Variants in PRDM15 observed in about 807,000 individuals in gnomAD.
PRDM15 encodes the protein PR domain zinc finger protein 15.
In PRDM15, 64 loss-of-function variants were observed where a neutral mutation model predicts 128.6. That is an observed-to-expected ratio of 0.50 (90% CI 0.41 to 0.61). PRDM15 has a LOEUF of 0.61. Ranked by LOEUF, PRDM15 falls within the 20% of genes least tolerant of loss-of-function variation. The pLI, the probability that PRDM15 is intolerant of heterozygous loss-of-function variation, is 0.00. For missense variants in PRDM15, 1,242 were observed against 1,569.1 expected, an observed-to-expected ratio of 0.79 and a Z score of 3.52; for synonymous variants, 615 against 621.8, an observed-to-expected ratio of 0.99 and a Z score of 0.16.
intron 14 of PRDM15, 26 bp downstream of exon 14, chr21:41,823,292 G>T: frequency 6.2e-7 from 1 of 1,604,568 alleles, no homozygotes; most frequent in South Asian, 1.1e-5. Context: ...GAGCATGCCT[G>T]GGTGAGGGCA....
rs916245894 is a variant in PRDM15, at chr21:41,828,879, C to T, written c.1367-546G>A. Among the ~76,000 whole-genome samples, 2 of 151,996 alleles carry T rather than the reference C, an allele frequency of 1.3e-5. No homozygotes were observed. The highest frequency in any genetic ancestry group is 2.9e-5 in the Non-Finnish European group (2 of 67,990). ...TTCCCCCCTTCACCCAAATCCTCCT[C>T]AGCACACACACAATCACACACCACA... is the stretch of plus-strand genomic sequence containing the variant. On this transcript the variant is annotated intron_variant, in intron 11 of 23. Coordinates refer to ENST00000398548, the MANE Select transcript of PRDM15 (RefSeq NM_001040424.3). The surrounding 1 kb of genome is among the most constrained non-coding windows in gnomAD (Gnocchi z 5.7).
Position 41,801,150 on chromosome 21 carries a change from C to CT in PRDM15, c.*89dup, listed in dbSNP as rs1267273778. ...GTCAACCTTACATTGCAATGTATGA[C>CT]TTTTTGTTTGTTTGGTATCCAGCAA... On this transcript the variant is annotated 3_prime_UTR_variant, in exon 24 of 24. Transcript: ENST00000398548. The CT allele has an allele frequency of 6.7e-7, 1 of 1,483,306 alleles. No homozygotes were observed. The highest frequency in any genetic ancestry group is 8.9e-7 in the Non-Finnish European group (1 of 1,121,948). The allele number at this position is 1,483,306 out of a possible 1,614,324, so 91.9% of individuals were successfully genotyped here. A position where few individuals can be genotyped will look rare whatever the true frequency, so the allele number is the denominator to read the frequency against.
intron 18 of PRDM15, among the ~76,000 whole-genome samples, chr21:41,816,867 G>A (rs2062071765): frequency 7.0e-6 from 1 of 142,624 alleles, no homozygotes; most frequent in African/African-American, 2.7e-5. Context: ...GATTCCACCT[G>A]AAAAAGTTAC....
chr21:41,836,052 G>C, intron 10 of PRDM15, 61 bp downstream of exon 10: 1 of 1,098,694 alleles, frequency 9.1e-7, no homozygotes, highest in Middle Eastern at 2.2e-4. Flanking sequence ...ATGGTGATTT[G>C]GTCAGTTGTC....
chr21:41,868,768 G>C (rs2064108685), intron 1 of PRDM15, among the ~76,000 whole-genome samples: 1 of 140,132 alleles, frequency 7.1e-6, no homozygotes, highest in Non-Finnish European at 1.5e-5. Context: ...TCAGCTCACT[G>C]CAACTTCCAC....
chr21:41,828,389 A>G lies in PRDM15; in HGVS notation c.1367-56T>C. ...TTTTGAGGTAAATAACATCTCACGC[A>G]GGCACGCACGTGTGGCCTGAACGTC... On this transcript the variant is annotated intron_variant, in intron 11 of 23. Transcript: ENST00000398548. The surrounding 1 kb of genome is among the most constrained non-coding windows in gnomAD (Gnocchi z 5.7). 6.3e-7 allele frequency: 1 copy of G among 1,586,866 alleles called. No individual in the cohort carries two copies. Among genetic ancestry groups the G allele is most frequent in the Non-Finnish European group, 8.6e-7 (1 of 1,158,670 alleles).
intron 19 of PRDM15, chr21:41,812,971 A>T (rs2061914060): frequency 1.3e-5 from 2 of 152,158 alleles, no homozygotes; most frequent in Admixed American, 1.3e-4. Flanking sequence ...GTCCACAGAG[A>T]GGGAGACAGG....
At chr21:41,846,390 A>C (rs1043400673) in intron 6 of PRDM15, among the ~76,000 whole-genome samples, 1 of 152,240 alleles carries the variant, frequency 6.6e-6, no homozygotes. Context: ...TTAAATTGGA[A>C]TCTCAACCTG....
chr21:41,815,748 G>A lies in PRDM15; in HGVS notation c.2349C>T (p.Phe783=), dbSNP rs144049165. ...GCTTGAGCATGTTGACCTTCTGCGC[G>A]AACCTGCGGTGGCACTCCTTGCACT... ...EYECKECHRR[F]AQKVNMLKHC... Residue 783 remains phenylalanine, a synonymous_variant, in exon 19 of 24, where the codon TTC becomes TTT. Transcript: ENST00000398548. 3.2e-5 allele frequency: 51 copies of A among 1,613,956 alleles called. No individual in the cohort carries two copies. The highest frequency in any genetic ancestry group is 3.1e-4 in the African/African-American group (23 of 74,952).
Position 41,828,284 on chromosome 21 carries a change from G to C in PRDM15, c.1416C>G (p.Asn472Lys), listed in dbSNP as rs766847657. The C allele has an allele frequency of 6.2e-7, 1 of 1,614,044 alleles. No individual in the cohort carries two copies. Among genetic ancestry groups the C allele is most frequent in the Non-Finnish European group, 8.5e-7 (1 of 1,179,970 alleles). Residue 472 changes from asparagine (N) to lysine (K), a missense_variant, in exon 12 of 24, where the codon AAC (asparagine) becomes AAG (lysine). This residue lies in a region of PRDM15 where 612 missense variants were observed against 717.0 expected (regional missense o/e 0.85). Coordinates refer to ENST00000398548, the MANE Select transcript of PRDM15 (RefSeq NM_001040424.3). This position sits in a 1 kb window ranked among gnomAD's most constrained non-coding sequence, Gnocchi z 5.7. ...TCTTCTTGTGCTTGGAGAGGTTGCT[G>C]TTGGTGGAGAAGAATCTGAAACACA... is the stretch of plus-strand genomic sequence containing the variant. ...CEMCFRFFST[N>K]SNLSKHKKKH...
intron 5 of PRDM15, among the ~76,000 whole-genome samples, chr21:41,853,580 A>G (rs1016660071): frequency 2.0e-5 from 3 of 152,232 alleles, no homozygotes; most frequent in African/African-American, 7.2e-5. Context: ...AGGAGGATCT[A>G]TGTCAAAAAG....
intron 18 of PRDM15, 23 bp from the exon 19 acceptor site, chr21:41,815,859 A>G: frequency 6.2e-7 from 1 of 1,610,304 alleles, no homozygotes. Flanking sequence ...AGCGAGTCAG[A>G]GGCGGCCACA....
Position 41,806,510 on chromosome 21 carries a change from T to C in PRDM15, c.2653-1896A>G, listed in dbSNP as rs1326151198. Among the ~76,000 whole-genome samples, 19 of 19,098 alleles carry C rather than the reference T, an allele frequency of 9.9e-4. 1 individual carries two copies. Among genetic ancestry groups the C allele is most frequent in the South Asian group, 6.0e-3 (2 of 334 alleles). The allele number at this position is 19,098 out of a possible 152,430, so 12.5% of individuals were successfully genotyped here. Reference sequence around the variant, plus strand: ...ACCACCACCATCACCACCATCACCATCACCACCACCATCACCACCACCATC... The same window carrying C: ...ACCACCACCATCACCACCATCACCACCACCACCACCATCACCACCACCATC... On this transcript the variant is annotated intron_variant, in intron 21 of 23. Coordinates refer to ENST00000398548, the MANE Select transcript of PRDM15 (RefSeq NM_001040424.3).
chr21:41,847,478 G>A (rs966707790), intron 5 of PRDM15, among the ~76,000 whole-genome samples: 3 of 152,204 alleles, frequency 2.0e-5, no homozygotes, highest in Admixed American at 1.3e-4. Context: ...CCTCCAAGAA[G>A]CCAGTCCAGA....
At chr21:41,871,529 C>T in intron 1 of PRDM15, 2 of 1,610,596 alleles carry the variant, frequency 1.2e-6, no homozygotes, top group African/African-American at 2.7e-5. Context: ...CAGGCCTGCA[C>T]TCGCAGGGCT....
chr21:41,819,902 G>GTGAGGGGGC, intron 17 of PRDM15, 193 bp downstream of exon 17: 1 of 785,694 alleles, frequency 1.3e-6, no homozygotes, highest in Non-Finnish European at 2.0e-6. Flanking sequence ...ACCTGGAGGG[G>GTGAGGGGGC]TGAGGGGGCT....
rs774544030 is a variant in PRDM15, at chr21:41,854,652, C to T, written c.452G>A (p.Gly151Asp). 4.9e-5 allele frequency: 79 copies of T among 1,613,664 alleles called. No homozygotes were observed. The highest frequency in any genetic ancestry group is 4.2e-6 in the Non-Finnish European group (5 of 1,179,998). ...YFTTSRDIPP[G>D]TELRVWYAAF... ...CGCATACCACACGCGCAGCTCGGTA[C>T]CCGGGGGGATGTCTCTGGAGGTGGT... Residue 151 changes from glycine to aspartate, a missense_variant, in exon 5 of 24, where the codon GGT becomes GAT. Coordinates refer to ENST00000398548, the MANE Select transcript of PRDM15 (RefSeq NM_001040424.3). The surrounding 1 kb of genome is among the most constrained non-coding windows in gnomAD (Gnocchi z 4.6).
Position 41,802,588 on chromosome 21 carries a change from C to T in PRDM15, c.2943+124G>A, listed in dbSNP as rs1019754158. ...TGAAAAACAGAATGTCTGCTGCCTTCAACCACATGAAGTCCACATGTACAC... is the reference window on the plus strand; with the variant it reads ...TGAAAAACAGAATGTCTGCTGCCTTTAACCACATGAAGTCCACATGTACAC... On this transcript the variant is annotated intron_variant, in intron 23 of 23. Transcript: ENST00000398548. 25 of 815,478 alleles carry T rather than the reference C, an allele frequency of 3.1e-5. No individual in the cohort carries two copies. In the African/African-American group the frequency reaches 3.9e-4, roughly 13 times the overall value. The allele number at this position is 815,478 out of a possible 1,614,324, so 50.5% of individuals were successfully genotyped here. A position where few individuals can be genotyped will look rare whatever the true frequency, so the allele number is the denominator to read the frequency against.
In PRDM15 at chr21:41,857,118, C is replaced by A. The variant is rs951918689; in HGVS notation, c.285+58G>T. On this transcript the variant is annotated intron_variant, in intron 4 of 23. Coordinates refer to ENST00000398548, the MANE Select transcript of PRDM15 (RefSeq NM_001040424.3). ...CAGTGGTCCTTGCTCCCCATTCCCA[C>A]ATGGGAACGCCAGAAAAACACCCAG... The A allele has an allele frequency of 5.9e-6, 9 of 1,525,388 alleles. No individual in the cohort carries two copies. The African/African-American group carries it at 1.1e-4, about 19-fold the overall frequency. The allele number at this position is 1,525,388 out of a possible 1,614,324, so 94.5% of individuals were successfully genotyped here. A position where few individuals can be genotyped will look rare whatever the true frequency, so the allele number is the denominator to read the frequency against.
Sources: allele counts gnomAD v4.1 joint callset (sites outside exome capture counted in the v4.1 genomes callset), GRCh38; gene constraint gnomAD v4.1.1; regional missense constraint gnomAD v4.1.1; non-coding constraint Gnocchi (gnomAD v3.1); transcripts MANE v1.5; gene names NCBI Gene and HGNC (gene_info 2026-07-23, HGNC 2026-07-21).